CRACD: variants seen among roughly 807,000 people sequenced by gnomAD.
CRACD encodes capping protein inhibiting regulator of actin dynamics, also known as capping protein-inhibiting regulator of actin dynamics.
A neutral mutation model predicts 106.8 loss-of-function variants in CRACD; 56 were observed. The observed-to-expected ratio is 0.52, with a 90% confidence interval of 0.42 to 0.66. CRACD has a LOEUF of 0.66. Ranked by LOEUF, CRACD falls within the 30% of genes least tolerant of loss-of-function variation. The pLI, the probability that CRACD is intolerant of heterozygous loss-of-function variation, is 0.00. For missense variants in CRACD, 1,730 were observed against 1,623.2 expected, an observed-to-expected ratio of 1.07 and a Z score of -1.13; for synonymous variants, 754 against 670.8, an observed-to-expected ratio of 1.12 and a Z score of -1.92.
chr4:56,138,700 T>C (rs1394535466), intron 1 of CRACD, among the ~76,000 whole-genome samples: 2 of 152,154 alleles, frequency 1.3e-5, no homozygotes, highest in Non-Finnish European at 2.9e-5. Context: ...AAAGGACAGG[T>C]TATCATCCCG....
At chr4:56,227,968 C>T (rs534723969) in intron 2 of CRACD, among the ~76,000 whole-genome samples, 8 of 152,246 alleles carry the variant, frequency 5.3e-5, no homozygotes, top group Admixed American at 3.3e-4. Context: ...AGTATTGAGG[C>T]TAATTCTTTA....
intron 1 of CRACD, among the ~76,000 whole-genome samples, chr4:56,099,879 T>C (rs998194266): frequency 1.3e-5 from 2 of 152,244 alleles, no homozygotes; most frequent in East Asian, 3.8e-4. Flanking sequence ...CAGATGTTGG[T>C]CCTTGAAACC....
chr4:56,256,481 C>T (rs1247001000), intron 2 of CRACD, among the ~76,000 whole-genome samples: 1 of 152,172 alleles, frequency 6.6e-6, no homozygotes, highest in African/African-American at 2.4e-5. Context: ...TTTTAAGAAA[C>T]AACTTTGGCC....
chr4:56,163,646 A>G (rs1053199389), intron 1 of CRACD, among the ~76,000 whole-genome samples: 2 of 152,204 alleles, frequency 1.3e-5, no homozygotes, highest in African/African-American at 2.4e-5. Flanking sequence ...GAGAAAAAAT[A>G]TCTGTATAAT....
intron 1 of CRACD, among the ~76,000 whole-genome samples, chr4:56,140,388 T>G (rs1373336533): frequency 6.6e-6 from 1 of 152,240 alleles, no homozygotes; most frequent in Non-Finnish European, 1.5e-5. Flanking sequence ...TCGTGTCCCA[T>G]GCACCTTCTA....
chr4:56,165,624 A>G (rs1481263813), intron 1 of CRACD, among the ~76,000 whole-genome samples: 1 of 152,196 alleles, frequency 6.6e-6, no homozygotes, highest in Admixed American at 6.5e-5. Flanking sequence ...TCAGTACTTC[A>G]TGCATTAGGG....
At chr4:56,273,176 T>G (rs1204566041) in intron 3 of CRACD, among the ~76,000 whole-genome samples, 2 of 152,136 alleles carry the variant, frequency 1.3e-5, no homozygotes, top group African/African-American at 4.8e-5. Flanking sequence ...GGCTAGACTT[T>G]ACACCCTTGT....
chr4:56,184,057 C>T (rs1451227853), intron 2 of CRACD, among the ~76,000 whole-genome samples: 1 of 152,050 alleles, frequency 6.6e-6, no homozygotes, highest in Non-Finnish European at 1.5e-5. Context: ...TCCTCCTGCT[C>T]TCTGTTAACA....
chr4:56,149,402 C>T (rs372782685), intron 1 of CRACD, among the ~76,000 whole-genome samples: 1 of 152,110 alleles, frequency 6.6e-6, no homozygotes, highest in Non-Finnish European at 1.5e-5. Flanking sequence ...TCTCACACTC[C>T]TCAGATTCTA....
intron 3 of CRACD, among the ~76,000 whole-genome samples, chr4:56,294,973 A>G (rs905434312): frequency 6.6e-6 from 1 of 151,356 alleles, no homozygotes; most frequent in Non-Finnish European, 1.5e-5. Flanking sequence ...AAGAAAGAAA[A>G]AAACCCAGAA....
chr4:56,317,322 T>C (rs1349395524), intron 8 of CRACD, among the ~76,000 whole-genome samples: 3 of 152,192 alleles, frequency 2.0e-5, no homozygotes, highest in African/African-American at 7.2e-5. Flanking sequence ...GGTGTGGGAT[T>C]CCCGAAAGAC....
chr4:56,301,405 G>GC (rs2109730680), intron 4 of CRACD, among the ~76,000 whole-genome samples: 1 of 152,256 alleles, frequency 6.6e-6, no homozygotes, highest in South Asian at 2.1e-4. Context: ...TGTGTCTGAG[G>GC]CATGTATGTT....
At chr4:56,136,835 A>G (rs1048946826) in intron 1 of CRACD, among the ~76,000 whole-genome samples, 1 of 152,218 alleles carries the variant, frequency 6.6e-6, no homozygotes, top group South Asian at 2.1e-4. Context: ...CTAATTCAAG[A>G]TAACAAAGAC....
chr4:56,202,053 G>A (rs952119228), intron 2 of CRACD, among the ~76,000 whole-genome samples: 3 of 152,194 alleles, frequency 2.0e-5, no homozygotes, highest in East Asian at 1.9e-4. Context: ...ACTGCTTAGC[G>A]CACATGTGCA....
chr4:56,080,482 C>T (rs978064829), intron 1 of CRACD, among the ~76,000 whole-genome samples: 6 of 152,332 alleles, frequency 3.9e-5, no homozygotes, highest in East Asian at 1.9e-4. Context: ...TCAGATGTCA[C>T]GTCTGCCAGG....
intron 1 of CRACD, among the ~76,000 whole-genome samples, chr4:56,085,721 G>T (rs957547841): frequency 6.6e-6 from 1 of 152,156 alleles, no homozygotes; most frequent in African/African-American, 2.4e-5. Flanking sequence ...CTGCCCCCTT[G>T]CCTTCATTGG....
At chr4:56,106,753 G>C (rs545094841) in intron 1 of CRACD, among the ~76,000 whole-genome samples, 1 of 152,138 alleles carries the variant, frequency 6.6e-6, no homozygotes, top group Admixed American at 6.6e-5. Flanking sequence ...AAGAACGTGA[G>C]GCTATTTAAT....
intron 2 of CRACD, among the ~76,000 whole-genome samples, chr4:56,238,114 C>A (rs183663968): frequency 8.5e-5 from 13 of 152,228 alleles, no homozygotes; most frequent in Admixed American, 7.2e-4. Context: ...AAACAACAAC[C>A]ACATTTAATT....
At chr4:56,181,605 G>T (rs539362639) in intron 2 of CRACD, among the ~76,000 whole-genome samples, 1 of 152,140 alleles carries the variant, frequency 6.6e-6, no homozygotes, top group Non-Finnish European at 1.5e-5. Flanking sequence ...AGGTCTGTAG[G>T]CTAGAAGTCC....
Sources: allele counts gnomAD v4.1 joint callset (sites outside exome capture counted in the v4.1 genomes callset), GRCh38; gene constraint gnomAD v4.1.1; transcripts MANE v1.5; gene names NCBI Gene and HGNC (gene_info 2026-07-23, HGNC 2026-07-21).